The following MTOR variants were observed in gnomAD, a reference collection of about 807,000 sequenced individuals.
MTOR encodes the protein serine/threonine-protein kinase mTOR.
In MTOR, 70 loss-of-function variants were observed where a neutral mutation model predicts 319.8. The observed-to-expected ratio is 0.22, with a 90% CI of 0.18 to 0.27. MTOR has a LOEUF of 0.27. MTOR is among the 10% of genes least tolerant of loss of function. MTOR has a pLI of 1.00. For missense variants in MTOR, 1,890 were observed against 3,274.4 expected, an observed-to-expected ratio of 0.58 and a Z score of 10.32; for synonymous variants, 1,183 against 1,211.4, an observed-to-expected ratio of 0.98 and a Z score of 0.49.
In MTOR at chr1:11,129,291, C is replaced by T. The variant is rs1384556732; in HGVS notation, c.5715-340G>A. Among the ~76,000 whole-genome samples, 2 of 152,222 alleles carry T rather than the reference C, an allele frequency of 1.3e-5. No individual in the cohort carries two copies. Among genetic ancestry groups the T allele is most frequent in the African/African-American group, 4.8e-5 (2 of 41,466 alleles). On this transcript the variant is annotated intron_variant, in intron 40 of 57. Coordinates refer to ENST00000361445, the MANE Select transcript of MTOR (RefSeq NM_004958.4). This position sits in a 1 kb window ranked among gnomAD's most constrained non-coding sequence, Gnocchi z 4.7. ...CTGTACGGCAGAGGCAACAGGGACA[C>T]CTGGCTCTTAGCTGGCTGGAGATCC...
intron 26 of MTOR, among the ~76,000 whole-genome samples, chr1:11,202,415 C>T (rs189135170): frequency 0.026 from 2,294 of 89,252 alleles, 42 homozygotes; most frequent in South Asian, 0.094. Context: ...AGCAAAACTC[C>T]GTCTCAAAAA....
At chr1:11,233,854 G>T (rs189131033) in intron 14 of MTOR, among the ~76,000 whole-genome samples, 1 of 152,252 alleles carries the variant, frequency 6.6e-6, no homozygotes, top group East Asian at 1.9e-4. Flanking sequence ...CATTTTGGGC[G>T]AGCTATTTTA....
At position 11,115,609 on chromosome 1, in the gene MTOR, A is replaced by G; in HGVS notation, c.7017-141T>C. The G allele has an allele frequency of 1.4e-6, 1 of 722,798 alleles. No homozygotes were observed. The highest frequency in any genetic ancestry group is 1.6e-5 in the South Asian group (1 of 61,494). 44.8% of individuals were successfully genotyped at this position (722,798 alleles called of 1,614,324 possible). On this transcript the variant is annotated intron_variant, in intron 50 of 57. Transcript: ENST00000361445. This position sits in a 1 kb window ranked among gnomAD's most constrained non-coding sequence, Gnocchi z 4.5. The stretch of plus-strand genomic sequence containing the variant: ...CAGCCCCTCCACCTCCACTTCTGCA[A>G]GTCCAGTTTTACTGGAACACACAGC...
chr1:11,118,483 C>T (rs1459526473), intron 49 of MTOR, among the ~76,000 whole-genome samples: 1 of 151,592 alleles, frequency 6.6e-6, no homozygotes, highest in Non-Finnish European at 1.5e-5. Context: ...GATCCGCCCG[C>T]CTCGGCCTCC....
intron 11 of MTOR, among the ~76,000 whole-genome samples, chr1:11,240,025 G>C (rs1220326242): frequency 6.6e-6 from 1 of 152,164 alleles, no homozygotes; most frequent in African/African-American, 2.4e-5. Context: ...AAGTGGAAAA[G>C]TGAGGATGTG....
intron 25 of MTOR, among the ~76,000 whole-genome samples, chr1:11,208,254 A>AC (rs1052690254): frequency 2.0e-5 from 3 of 152,128 alleles, no homozygotes; most frequent in African/African-American, 7.2e-5. Context: ...AAGCAGCATC[A>AC]CTCCTGACCC....
intron 19 of MTOR, among the ~76,000 whole-genome samples, chr1:11,227,885 C>G (rs1399447004): frequency 1.3e-5 from 2 of 152,088 alleles, no homozygotes; most frequent in Non-Finnish European, 1.5e-5. Flanking sequence ...CCACAGATTA[C>G]TCACTAATGG....
In MTOR at chr1:11,233,585, A is replaced by G. The variant is rs17229172; in HGVS notation, c.2332-98T>C. 9.0e-3 allele frequency: 8,139 copies of G among 904,638 alleles called. 66 individuals are homozygous for G. The highest frequency in any genetic ancestry group is 9.8e-3 in the Non-Finnish European group (5,633 of 573,936). 56.0% of individuals were successfully genotyped at this position (904,638 alleles called of 1,614,324 possible). ...ATTCACCCAAGAGACCATCTCAGTC[A>G]TAAAGAAATTCCTTCTAGGCTTTAT... On this transcript the variant is annotated intron_variant, in intron 14 of 57. Transcript: ENST00000361445.
intron 30 of MTOR, among the ~76,000 whole-genome samples, 154 bp from the exon 31 acceptor site, chr1:11,150,380 T>C (rs1644098089): frequency 6.6e-6 from 1 of 152,188 alleles, no homozygotes; most frequent in African/African-American, 2.4e-5. Context: ...AGAGAATCAA[T>C]GGGCTATTTG....
intron 3 of MTOR, among the ~76,000 whole-genome samples, 168 bp downstream of exon 3, chr1:11,258,317 A>C (rs1242591206): frequency 6.6e-6 from 1 of 152,164 alleles, no homozygotes; most frequent in Non-Finnish European, 1.5e-5. Context: ...TTCCACATCT[A>C]AAAATACGTT....
intron 47 of MTOR, among the ~76,000 whole-genome samples, chr1:11,123,915 G>C (rs1456490946): frequency 1.3e-5 from 2 of 152,038 alleles, no homozygotes; most frequent in Non-Finnish European, 2.9e-5. Flanking sequence ...AGCCTCCTGA[G>C]TAGCCGGGAT....
intron 28 of MTOR, among the ~76,000 whole-genome samples, chr1:11,187,577 C>T (rs537876352): frequency 6.6e-6 from 1 of 152,326 alleles, no homozygotes; most frequent in South Asian, 2.1e-4. Flanking sequence ...TGGACAAGTA[C>T]AGGTCTGCAG....
chr1:11,128,649 AT>A lies in MTOR; in HGVS notation c.5812-98del, dbSNP rs1370563112. 5 of 1,253,722 alleles carry A rather than the reference AT, an allele frequency of 4.0e-6. No homozygotes were observed. The African/African-American group carries it at 7.4e-5, about 18-fold the overall frequency. 77.7% of individuals were successfully genotyped at this position (1,253,722 alleles called of 1,614,324 possible). On this transcript the variant is annotated intron_variant, in intron 41 of 57. Coordinates refer to ENST00000361445, the MANE Select transcript of MTOR (RefSeq NM_004958.4). This position sits in a 1 kb window ranked among gnomAD's most constrained non-coding sequence, Gnocchi z 5.3. ...CAATTCTTTTAACTTGTTTCGGTTG[AT>A]GCTCTGAAATGGTTCATTCCCTTCC...
chr1:11,150,701 AG>A (rs1474232903), intron 30 of MTOR, among the ~76,000 whole-genome samples: 1 of 152,206 alleles, frequency 6.6e-6, no homozygotes, highest in Non-Finnish European at 1.5e-5. Context: ...TACAGAAGAA[AG>A]GCTCCACAAT....
intron 30 of MTOR, among the ~76,000 whole-genome samples, chr1:11,151,375 C>T (rs1644138635): frequency 6.6e-6 from 1 of 152,162 alleles, no homozygotes; most frequent in African/African-American, 2.4e-5. Flanking sequence ...CCATGATGCC[C>T]TATGCATTTA....
intron 30 of MTOR, among the ~76,000 whole-genome samples, chr1:11,156,559 G>A (rs1644325205): frequency 6.6e-6 from 1 of 152,072 alleles, no homozygotes; most frequent in Non-Finnish European, 1.5e-5. Context: ...AGGAAGTACT[G>A]CAAAATCACC....
chr1:11,143,379 T>A (rs923612353), intron 34 of MTOR, among the ~76,000 whole-genome samples: 2 of 152,216 alleles, frequency 1.3e-5, no homozygotes, highest in Non-Finnish European at 2.9e-5. Context: ...GTCAGAAGGT[T>A]CATCAGATCT....
chr1:11,156,494 C>G (rs186613501), intron 30 of MTOR, among the ~76,000 whole-genome samples: 42 of 152,284 alleles, frequency 2.8e-4, no homozygotes, highest in African/African-American at 1.0e-3. Flanking sequence ...CCTGGAGTAC[C>G]TGTTTCCCCC....
chr1:11,108,712 CAAAAAAA>C (rs758531091), intron 56 of MTOR, among the ~76,000 whole-genome samples: 61 of 49,602 alleles, frequency 1.2e-3, no homozygotes, highest in Middle Eastern at 0.029. Context: ...GACCCTGTCT[CAAAAAAA>C]AAAAAAAAAA....
Sources: allele counts gnomAD v4.1 joint callset (sites outside exome capture counted in the v4.1 genomes callset), GRCh38; gene constraint gnomAD v4.1.1; non-coding constraint Gnocchi (gnomAD v3.1); transcripts MANE v1.5; gene names NCBI Gene and HGNC (gene_info 2026-07-23, HGNC 2026-07-21).